Variants in FREM3 observed in about 807,000 individuals in gnomAD.
FREM3 encodes the protein FRAS1-related extracellular matrix protein 3.
In FREM3, 105 loss-of-function variants were observed where a neutral mutation model predicts 129.1. That is an observed-to-expected ratio of 0.81 (90% CI 0.69 to 0.96). FREM3 has a LOEUF of 0.96. Ranked by LOEUF, FREM3 falls within the 40% of genes least tolerant of loss-of-function variation. FREM3 has a pLI of 0.00. For synonymous variants in FREM3, 1,014 were observed against 1,044.9 expected (o/e 0.97, Z 0.57); for missense variants, 2,593 against 2,666.3 (o/e 0.97, Z 0.61).
chr4:143,683,255 G>C (rs923979217), intron 2 of FREM3, among the ~76,000 whole-genome samples: 3 of 152,156 alleles, frequency 2.0e-5, no homozygotes, highest in Non-Finnish European at 2.9e-5. Context: ...CAGATCTACT[G>C]CAAGAACAAA....
rs1262841505 is a variant in FREM3, at chr4:143,699,629, G to A, written c.1047C>T (p.Ala349=). 3.9e-6 allele frequency: 6 copies of A among 1,530,122 alleles called. No homozygotes were observed. Among genetic ancestry groups the A allele is most frequent in the Non-Finnish European group, 4.4e-6 (5 of 1,142,514 alleles). The allele number at this position is 1,530,122 out of a possible 1,614,324, so 94.8% of individuals were successfully genotyped here. ...CCGGGTGCCCTGGTGGGTGAGTGGG[G>A]GCGTTCAGAATGTTGAACACCAGGT... The part of the protein sequence containing the change: ...PGDLVFNILN[A]PTHPPGHPGQ... Residue 349 remains alanine, a synonymous_variant, in exon 1 of 8, where the codon GCC becomes GCT. Transcript: ENST00000329798. This position sits in a 1 kb window ranked among gnomAD's most constrained non-coding sequence, Gnocchi z 4.2.
At chr4:143,672,384 G>A in intron 2 of FREM3, among the ~76,000 whole-genome samples, 1 of 152,156 alleles carries the variant, frequency 6.6e-6, no homozygotes, top group East Asian at 1.9e-4. Context: ...GCTAATCTTG[G>A]AATAAACTGC....
chr4:143,663,370 T>C (rs1739781355), intron 2 of FREM3, among the ~76,000 whole-genome samples: 1 of 152,150 alleles, frequency 6.6e-6, no homozygotes, highest in South Asian at 2.1e-4. Context: ...TATGAAATTC[T>C]GGATTGAAAA....
Position 143,595,566 on chromosome 4 carries a change from A to G in FREM3, c.6029-9573T>C, listed in dbSNP as rs374568629. 8.6e-5 allele frequency among the ~76,000 whole-genome samples: 13 copies of G among 152,020 alleles called. 1 individual carries two copies. The highest frequency in any genetic ancestry group is 7.2e-4 in the Admixed American group (11 of 15,276). On this transcript the variant is annotated intron_variant, in intron 6 of 7. Transcript: ENST00000329798. ...CACCAGTTCCTTCTTTTGCTGTAGC[A>G]CTTAGGATTTCATTCAGCTATGCTA...
intron 6 of FREM3, among the ~76,000 whole-genome samples, chr4:143,587,634 A>G (rs890258609): frequency 1.3e-5 from 2 of 152,202 alleles, no homozygotes; most frequent in Non-Finnish European, 2.9e-5. Flanking sequence ...GACAGGAAAG[A>G]AGGAGGATAG....
At chr4:143,637,392 T>C (rs1345710270) in intron 2 of FREM3, among the ~76,000 whole-genome samples, 1 of 152,206 alleles carries the variant, frequency 6.6e-6, no homozygotes, top group African/African-American at 2.4e-5. Context: ...CTATCTCCCA[T>C]GTTCCTGGAG....
intron 2 of FREM3, among the ~76,000 whole-genome samples, chr4:143,657,312 A>G (rs111528993): frequency 6.6e-6 from 1 of 152,344 alleles, no homozygotes; most frequent in East Asian, 1.9e-4. Flanking sequence ...GTTTTCTTAA[A>G]ATGCTTTCCA....
intron 2 of FREM3, among the ~76,000 whole-genome samples, chr4:143,692,275 G>A (rs1273379529): frequency 6.6e-6 from 1 of 152,158 alleles, no homozygotes; most frequent in Non-Finnish European, 1.5e-5. Flanking sequence ...CACGGGACAA[G>A]TTGGGATTCA....
chr4:143,658,997 C>A (rs1463233563), intron 2 of FREM3, among the ~76,000 whole-genome samples: 1 of 150,952 alleles, frequency 6.6e-6, no homozygotes, highest in African/African-American at 2.4e-5. Flanking sequence ...TTGGCTAATG[C>A]CTACTCATTC....
intron 2 of FREM3, among the ~76,000 whole-genome samples, chr4:143,650,502 T>C (rs1739491728): frequency 6.6e-6 from 1 of 152,200 alleles, no homozygotes; most frequent in South Asian, 2.1e-4. Flanking sequence ...ACTTACTTAC[T>C]TATTTATTAT....
At chr4:143,592,104 T>A (rs1479499185) in intron 6 of FREM3, among the ~76,000 whole-genome samples, 1 of 152,228 alleles carries the variant, frequency 6.6e-6, no homozygotes, top group East Asian at 1.9e-4. Context: ...TAGATCTTCC[T>A]CCATCCCTTT....
intron 2 of FREM3, among the ~76,000 whole-genome samples, chr4:143,691,813 A>AG (rs1367869453): frequency 6.6e-6 from 1 of 152,234 alleles, no homozygotes; most frequent in African/African-American, 2.4e-5. Context: ...GCATAGTGTG[A>AG]GAGTCAGAGG....
At position 143,659,227 on chromosome 4, in the gene FREM3, A is replaced by C. The variant is rs570794614; in HGVS notation, c.5276-31467T>G. Among the ~76,000 whole-genome samples, 197 of 151,890 alleles carry C rather than the reference A, an allele frequency of 1.3e-3. 2 individuals carry two copies. The highest frequency in any genetic ancestry group is 4.7e-3 in the African/African-American group (193 of 41,424). ...CATTTAGCATTAGGTATATCTCCTA[A>C]TGCTATCCCTCCCCCCTACCCCCAC... is the stretch of plus-strand genomic sequence containing the variant. On this transcript the variant is annotated intron_variant, in intron 2 of 7. Coordinates refer to ENST00000329798, the MANE Select transcript of FREM3 (RefSeq NM_001168235.2).
At chr4:143,610,051 A>G (rs1041872101) in intron 6 of FREM3, among the ~76,000 whole-genome samples, 15 of 152,224 alleles carry the variant, frequency 9.9e-5, no homozygotes, top group African/African-American at 3.4e-4. Flanking sequence ...TTTAATTCCA[A>G]TGAAGAAATT....
intron 6 of FREM3, among the ~76,000 whole-genome samples, chr4:143,598,468 G>GCCTTC (rs1738520298): frequency 6.6e-6 from 1 of 152,174 alleles, no homozygotes; most frequent in Non-Finnish European, 1.5e-5. Flanking sequence ...TAGTATGTGA[G>GCCTTC]ATTGTTAGTG....
intron 2 of FREM3, among the ~76,000 whole-genome samples, chr4:143,673,901 A>T (rs1189714397): frequency 1.3e-5 from 2 of 152,202 alleles, no homozygotes; most frequent in African/African-American, 4.8e-5. Context: ...CATGCGCGGG[A>T]TATAATCTCC....
At chr4:143,602,703 C>T (rs777088817) in intron 6 of FREM3, among the ~76,000 whole-genome samples, 3 of 152,038 alleles carry the variant, frequency 2.0e-5, no homozygotes, top group Non-Finnish European at 4.4e-5. Flanking sequence ...AGGAATGTGA[C>T]CAAATGTAAC....
At chr4:143,651,801 A>G (rs114571449) in intron 2 of FREM3, among the ~76,000 whole-genome samples, 11 of 152,206 alleles carry the variant, frequency 7.2e-5, no homozygotes, top group African/African-American at 2.7e-4. Context: ...TTCTTAACAG[A>G]TGGAAGGAGA....
In FREM3 at chr4:143,597,521, T is replaced by A. The variant is rs188987914; in HGVS notation, c.6029-11528A>T. ...TGTGATGCTTCCAGCTCTGCTCTTC[T>A]TTCTCAGAACTGTTTTGGCTTTTAA... is the stretch of plus-strand genomic sequence containing the variant. On this transcript the variant is annotated intron_variant, in intron 6 of 7. Transcript: ENST00000329798. 1.5e-4 allele frequency among the ~76,000 whole-genome samples: 23 copies of A among 152,368 alleles called. No individual in the cohort carries two copies. In the East Asian group the frequency reaches 4.4e-3, roughly 29 times the overall value.
Sources: allele counts gnomAD v4.1 joint callset (sites outside exome capture counted in the v4.1 genomes callset), GRCh38; gene constraint gnomAD v4.1.1; non-coding constraint Gnocchi (gnomAD v3.1); transcripts MANE v1.5; gene names NCBI Gene and HGNC (gene_info 2026-07-23, HGNC 2026-07-21).